Variants in PML observed in about 807,000 individuals in gnomAD.
PML encodes protein PML.
PML carries 28 observed loss-of-function variants against 65.2 expected under a neutral mutation model. The ratio of observed to expected loss-of-function variants is 0.43; its 90% CI spans 0.32 to 0.59. The LOEUF is 0.59. Among genes scored for constraint, PML ranks in the 20% least tolerant of loss-of-function variants. PML has a pLI of 0.08. For missense variants in PML, 1,021 were observed against 1,203.4 expected (o/e 0.85, Z 2.24); for synonymous variants, 500 against 508.8 (o/e 0.98, Z 0.23).
rs2071453247 is a variant in PML, at chr15:74,034,459, C to T, written c.1658-19C>T. On this transcript the variant is annotated intron_variant, in intron 6 of 8. Transcript: ENST00000268058. ...GCATCCTAGGCAGTTCATAATGCAT[C>T]TCCCCTTCCCCGTTTCAGAGGAACG... 1 of 1,614,184 alleles carries T rather than the reference C, an allele frequency of 6.2e-7. No homozygotes were observed.
chr15:74,026,017 A>G (rs2071056247), intron 4 of PML: 1 of 152,326 alleles, frequency 6.6e-6, no homozygotes. Flanking sequence ...ACAGGACTTA[A>G]GAGTCTCAGA....
intron 2 of PML, among the ~76,000 whole-genome samples, chr15:74,019,371 A>T (rs2070736811): frequency 6.6e-6 from 1 of 152,182 alleles, no homozygotes; most frequent in Admixed American, 6.6e-5. Context: ...GAAAATAACA[A>T]CTGTTTCTTA....
chr15:74,044,366 G>GCGC lies in PML; in HGVS notation c.2012_2014dup (p.Arg671dup). On this transcript the variant is annotated inframe_insertion, in exon 9 of 9. Transcript: ENST00000268058. ...ACTTCCTCAGCTTTCTGAGCTCCAT[G>GCGC]CGCCGCCCTATCTTGGCCTGCTACA... The GCGC allele has an allele frequency of 6.2e-7, 1 of 1,614,198 alleles. No homozygotes were observed. The highest frequency in any genetic ancestry group is 8.5e-7 in the Non-Finnish European group (1 of 1,180,028).
At chr15:73,997,965 G>T (rs773758555) in intron 1 of PML, 39 bp from the exon 2 acceptor site, 1 of 1,583,188 alleles carries the variant, frequency 6.3e-7, no homozygotes, top group Admixed American at 1.7e-5. Context: ...GGGGCTTTTG[G>T]GACTTCTCCA....
intron 6 of PML, chr15:74,033,629 CA>C: frequency 1.4e-6 from 1 of 701,128 alleles, no homozygotes; most frequent in Middle Eastern, 2.3e-4. Flanking sequence ...GGGAGCCTGA[CA>C]GGCTAAAATG....
intron 2 of PML, among the ~76,000 whole-genome samples, chr15:73,999,575 G>A (rs1326901685): frequency 1.3e-5 from 2 of 152,140 alleles, no homozygotes; most frequent in Non-Finnish European, 2.9e-5. Context: ...ATTGGCCATT[G>A]TGTTTCTGCA....
chr15:74,016,219 A>G (rs1038744721), intron 2 of PML, among the ~76,000 whole-genome samples: 9 of 152,008 alleles, frequency 5.9e-5, no homozygotes, highest in African/African-American at 2.2e-4. Context: ...AGAGGTTGCA[A>G]TGAGCCGAGA....
chr15:73,994,758 C>T lies in PML; in HGVS notation c.-55C>T, dbSNP rs2069386288. On this transcript the variant is annotated 5_prime_UTR_variant, in exon 1 of 9. Transcript: ENST00000268058. Reference sequence around the variant, plus strand: ...CAACTGGCTCACGCCTCCCCTTCAGCTTCTCTTCACGCACTCCAAGATCTA... The same window carrying T: ...CAACTGGCTCACGCCTCCCCTTCAGTTTCTCTTCACGCACTCCAAGATCTA... 6.5e-7 allele frequency: 1 copy of T among 1,547,040 alleles called. No individual in the cohort carries two copies. Among genetic ancestry groups the T allele is most frequent in the African/African-American group, 1.4e-5 (1 of 73,088 alleles).
At chr15:74,011,490 C>T (rs1029657009) in intron 2 of PML, among the ~76,000 whole-genome samples, 1 of 152,130 alleles carries the variant, frequency 6.6e-6, no homozygotes, top group Admixed American at 6.5e-5. Context: ...AAGAAAAAAA[C>T]ACTCCAGGTA....
Position 74,045,016 on chromosome 15 carries a change from G to C in PML, c.*8G>C. The C allele has an allele frequency of 6.3e-7, 1 of 1,590,366 alleles. No individual in the cohort carries two copies. Among genetic ancestry groups the C allele is most frequent in the Non-Finnish European group, 8.5e-7 (1 of 1,172,214 alleles). Reference sequence around the variant, plus strand: ...GCCTCCCAGCAGAGCTGAGAGGAGGGGGTGACCAGCTTGGAGTCTCTGGTG... The same window carrying C: ...GCCTCCCAGCAGAGCTGAGAGGAGGCGGTGACCAGCTTGGAGTCTCTGGTG... On this transcript the variant is annotated 3_prime_UTR_variant, in exon 9 of 9. Transcript: ENST00000268058.
chr15:74,035,696 G>A lies in PML; in HGVS notation c.1710+1166G>A. The stretch of plus-strand genomic sequence containing the variant: ...GGGGCTCCTCCCATTTATCCCAGTG[G>A]CTCAACAACTTTTTTGCCCTCCCCT... On this transcript the variant is annotated intron_variant, in intron 7 of 8. Coordinates refer to ENST00000268058, the MANE Select transcript of PML (RefSeq NM_033238.3). The surrounding 1 kb of genome is among the most constrained non-coding windows in gnomAD (Gnocchi z 4.1). 10 of 1,614,086 alleles carry A rather than the reference G, an allele frequency of 6.2e-6. No individual in the cohort carries two copies. The highest frequency in any genetic ancestry group is 8.5e-6 in the Non-Finnish European group (10 of 1,180,016).
chr15:74,034,618 C>T, intron 7 of PML, 88 bp downstream of exon 7: 1 of 1,613,842 alleles, frequency 6.2e-7, no homozygotes, highest in Non-Finnish European at 8.5e-7. Context: ...GACTCTCAGA[C>T]TTGCCTTGCG....
chr15:74,034,042 C>T, intron 6 of PML: 1 of 348,300 alleles, frequency 2.9e-6, no homozygotes, highest in Non-Finnish European at 5.4e-6. Flanking sequence ...GACTGATATT[C>T]CTTACCCACA....
In PML at chr15:74,035,108, A is replaced by G; in HGVS notation, c.1710+578A>G. On this transcript the variant is annotated intron_variant, in intron 7 of 8. Coordinates refer to ENST00000268058, the MANE Select transcript of PML (RefSeq NM_033238.3). The surrounding 1 kb of genome is among the most constrained non-coding windows in gnomAD (Gnocchi z 4.1). ...GAAAAGGGGATCTGAATAGAGTGAA[A>G]GGTTGGACTGGGTGGCCCCTGAGGT... The G allele has an allele frequency of 8.6e-7, 1 of 1,160,368 alleles. No homozygotes were observed. Among genetic ancestry groups the G allele is most frequent in the Non-Finnish European group, 1.3e-6 (1 of 771,946 alleles). 71.9% of individuals were successfully genotyped at this position (1,160,368 alleles called of 1,614,324 possible).
In PML at chr15:74,044,610, C is replaced by G. The variant is rs760154145; in HGVS notation, c.2251C>G (p.Arg751Gly). ...CGCCATGGCTGCCGTGCTGGCCATG[C>G]GTGACCTGTGCCGCCTCCTCGAGGT... ...RSAMAAVLAMRDLCRLLEVSP... is the reference protein window; with the variant it reads ...RSAMAAVLAMGDLCRLLEVSP... Residue 751 changes from arginine (R) to glycine (G), a missense_variant, in exon 9 of 9, where the codon CGT becomes GGT. Physicochemically the swap from Arg to Gly is moderately radical, Grantham distance 125. Transcript: ENST00000268058. The G allele has an allele frequency of 2.5e-6, 4 of 1,607,762 alleles. No homozygotes were observed. The highest frequency in any genetic ancestry group is 8.5e-7 in the Non-Finnish European group (1 of 1,179,946).
At chr15:74,018,846 A>G (rs1433825372) in intron 2 of PML, among the ~76,000 whole-genome samples, 4 of 152,140 alleles carry the variant, frequency 2.6e-5, no homozygotes, top group Non-Finnish European at 4.4e-5. Flanking sequence ...AATAGATGTT[A>G]TTTCGCCTTT....
In PML at chr15:74,044,876, T is replaced by A; in HGVS notation, c.2517T>A (p.Pro839=). 1 of 1,613,550 alleles carries A rather than the reference T, an allele frequency of 6.2e-7. No homozygotes were observed. Among genetic ancestry groups the A allele is most frequent in the Non-Finnish European group, 8.5e-7 (1 of 1,180,018 alleles). Reference sequence around the variant, plus strand: ...CCACCACGTTGCCCCCTGCCCAGCCTGCTTTCAACCTGCAGGCTCTGGGCA... The same window carrying A: ...CCACCACGTTGCCCCCTGCCCAGCCAGCTTTCAACCTGCAGGCTCTGGGCA... The part of the protein sequence containing the change: ...LQTTTLPPAQ[P]AFNLQALGTY... The change falls in exon 9 of 9, where the codon CCT becomes CCA. Residue 839 remains proline, a synonymous_variant. Coordinates refer to ENST00000268058, the MANE Select transcript of PML (RefSeq NM_033238.3).
At position 74,032,699 on chromosome 15, in the gene PML, G is replaced by C. The variant is rs148158604; in HGVS notation, c.1382G>C (p.Gly461Ala). Residue 461 changes from glycine (G) to alanine (A), a missense_variant, in exon 5 of 9, where the codon GGC becomes GCC. Physicochemically the swap from Gly to Ala is moderately conservative, Grantham distance 60. Coordinates refer to ENST00000268058, the MANE Select transcript of PML (RefSeq NM_033238.3). ...CCAGTGTACGCCTTCTCCATCAAAG[G>C]CCCTTCCTATGGAGAGGTAAGGTTC... is the stretch of plus-strand genomic sequence containing the variant. ...PVPVYAFSIKGPSYGEDVSNT... is the reference protein window; with the variant it reads ...PVPVYAFSIKAPSYGEDVSNT... The C allele has an allele frequency of 1.3e-4, 212 of 1,614,196 alleles. No individual in the cohort carries two copies. The highest frequency in any genetic ancestry group is 1.6e-4 in the East Asian group (7 of 44,880).
At chr15:73,998,553 TCA>T in intron 2 of PML, 77 bp downstream of exon 2, 1 of 1,278,846 alleles carries the variant, frequency 7.8e-7, no homozygotes. Context: ...ATCCAAAGAG[TCA>T]CACAGCTGAG....
Sources: gnomAD v4.1 joint callset for allele counts (sites outside exome capture counted in the v4.1 genomes callset) on GRCh38, gnomAD v4.1.1 for gene constraint, Gnocchi (gnomAD v3.1) non-coding constraint, MANE v1.5 for transcripts, NCBI Gene and HGNC (gene_info 2026-07-23, HGNC 2026-07-21) for gene names.